Variants in LAMC1 observed in about 807,000 individuals in gnomAD.
The protein encoded by LAMC1 is laminin subunit gamma-1.
In LAMC1, 38 loss-of-function variants were observed where a neutral mutation model predicts 173.6. That is an observed-to-expected ratio of 0.22 (90% confidence interval 0.17 to 0.29). The LOEUF is 0.29. Among genes scored for constraint, LAMC1 ranks in the 10% least tolerant of loss-of-function variants. The pLI is 1.00. For missense variants in LAMC1, 1,824 were observed against 2,051.8 expected, an observed-to-expected ratio of 0.89 and a Z score of 2.14; for synonymous variants, 746 against 749.1, an observed-to-expected ratio of 1.00 and a Z score of 0.07.
intron 5 of LAMC1, among the ~76,000 whole-genome samples, chr1:183,115,188 C>T (rs186211113): frequency 7.9e-5 from 12 of 152,230 alleles, no homozygotes; most frequent in African/African-American, 2.6e-4. Context: ...TACTTAAATT[C>T]TAGACATGGG....
In LAMC1 at chr1:183,134,680, G is replaced by A; in HGVS notation, c.3870G>A (p.Lys1290=). 3 of 1,612,562 alleles carry A rather than the reference G, an allele frequency of 1.9e-6. No homozygotes were observed. The highest frequency in any genetic ancestry group is 2.5e-6 in the Non-Finnish European group (3 of 1,179,464). ...CACAGAATGAAGCAAATAACATAAA[G>A]ATGGAAGCTGAGAATCTGGAACAAC... ...ETLENEANNI[K]MEAENLEQLI... Residue 1290 remains lysine (K), a synonymous_variant, in exon 23 of 28, where the codon AAG becomes AAA. Coordinates refer to ENST00000258341, the MANE Select transcript of LAMC1 (RefSeq NM_002293.4).
intron 1 of LAMC1, among the ~76,000 whole-genome samples, chr1:183,030,296 C>G (rs575798711): frequency 1.2e-4 from 19 of 152,266 alleles, no homozygotes; most frequent in African/African-American, 4.6e-4. Flanking sequence ...GACCTCTGTT[C>G]TAGAGCAGTA....
At chr1:183,063,600 T>G (rs936419513) in intron 1 of LAMC1, among the ~76,000 whole-genome samples, 1 of 152,238 alleles carries the variant, frequency 6.6e-6, no homozygotes, top group Non-Finnish European at 1.5e-5. Context: ...GCTATTCTCC[T>G]GCTCTCTCCT....
chr1:183,033,816 C>T (rs1042434766), intron 1 of LAMC1, among the ~76,000 whole-genome samples: 1 of 151,820 alleles, frequency 6.6e-6, no homozygotes, highest in Non-Finnish European at 1.5e-5. Flanking sequence ...CTCAGCCTCC[C>T]GAGTAGCTGG....
chr1:183,114,268 A>G (rs1455045682), intron 4 of LAMC1, among the ~76,000 whole-genome samples: 3 of 152,044 alleles, frequency 2.0e-5, no homozygotes, highest in Admixed American at 1.3e-4. Context: ...ATGGGGTTTC[A>G]CCGTGTTGGC....
intron 1 of LAMC1, among the ~76,000 whole-genome samples, chr1:183,068,720 T>A (rs1407672124): frequency 2.6e-5 from 4 of 152,062 alleles, no homozygotes; most frequent in African/African-American, 9.7e-5. Flanking sequence ...GGTGGGTGGA[T>A]CCATGAGGTC....
At chr1:183,094,754 CAG>C (rs1266128421) in intron 1 of LAMC1, among the ~76,000 whole-genome samples, 2 of 152,140 alleles carry the variant, frequency 1.3e-5, no homozygotes. Flanking sequence ...CAGATGTAAA[CAG>C]TACATGATCA....
At chr1:183,139,516 G>A (rs1240931402) in intron 26 of LAMC1, among the ~76,000 whole-genome samples, 6 of 152,326 alleles carry the variant, frequency 3.9e-5, no homozygotes, top group East Asian at 1.9e-4. Context: ...GACAGCTGCC[G>A]TTTGGACAGA....
intron 5 of LAMC1, 96 bp from the exon 6 acceptor site, chr1:183,115,424 A>G (rs1181850613): frequency 3.6e-6 from 3 of 823,360 alleles, no homozygotes; most frequent in Non-Finnish European, 6.2e-6. Flanking sequence ...GTTCTCAGGC[A>G]TTGCTTTTAA....
chr1:183,058,055 T>C (rs769687445), intron 1 of LAMC1, among the ~76,000 whole-genome samples: 6 of 152,204 alleles, frequency 3.9e-5, no homozygotes, highest in Non-Finnish European at 8.8e-5. Context: ...TTGAGTATAT[T>C]TGATCCTTCT....
intron 1 of LAMC1, among the ~76,000 whole-genome samples, chr1:183,058,839 CACCAACAAAAAGCT>C (rs1365774055): frequency 6.6e-6 from 1 of 152,110 alleles, no homozygotes; most frequent in Non-Finnish European, 1.5e-5. Flanking sequence ...CACAAAAAGC[CACCAACAAAAAGCT>C]ACCTACATGT....
rs1657168163 is a variant in LAMC1 at position 183,143,358 on chromosome 1, C to T, written c.*568C>T. ...ATTTAGAATGTCGGTAGCCATCCATCAGTGCTTTTAGTTATTATGAGTGTA... is the reference window on the plus strand; with the variant it reads ...ATTTAGAATGTCGGTAGCCATCCATTAGTGCTTTTAGTTATTATGAGTGTA... On this transcript the variant is annotated 3_prime_UTR_variant, in exon 28 of 28. Transcript: ENST00000258341. 1 of 154,198 alleles carries T rather than the reference C, an allele frequency of 6.5e-6. No homozygotes were observed. The highest frequency in any genetic ancestry group is 2.0e-4 in the South Asian group (1 of 4,896). 9.6% of individuals were successfully genotyped at this position (154,198 alleles called of 1,614,324 possible).
At position 183,122,178 on chromosome 1, in the gene LAMC1, T is replaced by G. The variant is rs774133000; in HGVS notation, c.2328T>G (p.Pro776=). 3.1e-6 allele frequency: 5 copies of G among 1,614,202 alleles called. No homozygotes were observed. In the East Asian group the frequency reaches 8.9e-5, roughly 29 times the overall value. ...TSSDCQPCPC[P]GGSSCAVVPK... is the part of the protein sequence containing the mutation. The stretch of plus-strand genomic sequence containing the variant: ...CCGATTGCCAACCCTGTCCGTGTCC[T>G]GGAGGTTCAAGTTGTGCTGTTGTTC... The change falls in exon 13 of 28, where the codon CCT becomes CCG. Residue 776 remains proline, a synonymous_variant. Transcript: ENST00000258341.
intron 1 of LAMC1, among the ~76,000 whole-genome samples, chr1:183,086,686 T>C (rs1655437481): frequency 6.6e-6 from 1 of 152,212 alleles, no homozygotes; most frequent in Non-Finnish European, 1.5e-5. Context: ...GCAAATTATT[T>C]TAACACAAAC....
chr1:183,108,898 G>A (rs1656063391), intron 3 of LAMC1, among the ~76,000 whole-genome samples: 1 of 152,196 alleles, frequency 6.6e-6, no homozygotes, highest in Non-Finnish European at 1.5e-5. Context: ...AAACTGCCAG[G>A]CTAGAGAAGC....
chr1:183,096,628 C>T (rs1655700284), intron 1 of LAMC1: 1 of 152,126 alleles, frequency 6.6e-6, no homozygotes, highest in African/African-American at 2.4e-5. Flanking sequence ...ATTGTAAGTT[C>T]CATTGCATTT....
chr1:183,117,668 T>G lies in LAMC1; in HGVS notation c.1822T>G (p.Leu608Val). The G allele has an allele frequency of 6.2e-7, 1 of 1,614,224 alleles. No individual in the cohort carries two copies. The highest frequency in any genetic ancestry group is 1.7e-4 in the Middle Eastern group (1 of 6,058). ...EGAGLRVSVP[L>V]IAQGNSYPSE... The stretch of plus-strand genomic sequence containing the variant: ...AGCTGGCTTAAGAGTATCTGTACCC[T>G]TGATCGCTCAGGGCAATTCCTATCC... The change falls in exon 10 of 28, where the codon TTG (leucine) becomes GTG (valine). Residue 608 changes from leucine to valine, a missense_variant. Transcript: ENST00000258341.
At chr1:183,139,983 C>G (rs1657060008) in intron 26 of LAMC1, among the ~76,000 whole-genome samples, 1 of 151,946 alleles carries the variant, frequency 6.6e-6, no homozygotes, top group South Asian at 2.1e-4. Context: ...TAATAAGTCC[C>G]TAAGAGTGTC....
At chr1:183,090,578 C>T (rs903224060) in intron 1 of LAMC1, among the ~76,000 whole-genome samples, 1 of 152,174 alleles carries the variant, frequency 6.6e-6, no homozygotes, top group Non-Finnish European at 1.5e-5. Context: ...ATTGTCCATC[C>T]GCTCAGAAGA....
Sources: gnomAD v4.1 joint callset for allele counts (sites outside exome capture counted in the v4.1 genomes callset) on GRCh38, gnomAD v4.1.1 for gene constraint, MANE v1.5 for transcripts, NCBI Gene and HGNC (gene_info 2026-07-23, HGNC 2026-07-21) for gene names.